The following AATK variants were observed in gnomAD, a reference collection of about 807,000 sequenced individuals.
AATK encodes the protein lemur tail kinase 1.
A neutral mutation model predicts 114.3 loss-of-function variants in AATK; 91 were observed. That is an observed-to-expected ratio of 0.80 (90% confidence interval 0.67 to 0.95). AATK has a LOEUF of 0.95. AATK is among the 40% of genes least tolerant of loss of function. AATK has a pLI of 0.00. For synonymous variants in AATK, 1,075 were observed against 916.5 expected, an observed-to-expected ratio of 1.17 and a Z score of -3.12; for missense variants, 2,176 against 1,965.2, an observed-to-expected ratio of 1.11 and a Z score of -2.03.
chr17:81,127,180 TCCAGGCA>T (rs2060849213), intron 6 of AATK, among the ~76,000 whole-genome samples: 1 of 151,364 alleles, frequency 6.6e-6, no homozygotes, highest in African/African-American at 2.4e-5. Context: ...GGCCCAGAAC[TCCAGGCA>T]GCCTGGGGAA....
chr17:81,151,943 C>T (rs2061304252), intron 1 of AATK, among the ~76,000 whole-genome samples: 1 of 152,164 alleles, frequency 6.6e-6, no homozygotes, highest in African/African-American at 2.4e-5. Flanking sequence ...CGTGAGACTT[C>T]CAACCCCTCA....
chr17:81,139,064 A>C (rs1258339678), intron 1 of AATK, among the ~76,000 whole-genome samples: 2 of 152,160 alleles, frequency 1.3e-5, no homozygotes, highest in Non-Finnish European at 2.9e-5. Flanking sequence ...ACATGCAAAC[A>C]TGCACACACA....
chr17:81,138,862 CACATGTGCACACATACCCAT>C (rs1567818409), intron 1 of AATK, among the ~76,000 whole-genome samples: 1 of 151,902 alleles, frequency 6.6e-6, no homozygotes, highest in Non-Finnish European at 1.5e-5. Flanking sequence ...ATAACACGCA[CACATGTGCACACATACCCAT>C]ACACGCACAC....
At chr17:81,139,831 C>T (rs558098998) in intron 1 of AATK, among the ~76,000 whole-genome samples, 26 of 152,306 alleles carry the variant, frequency 1.7e-4, no homozygotes, top group Non-Finnish European at 2.8e-4. Context: ...GTGGATACAC[C>T]GTGACACCAG....
intron 5 of AATK, 41 bp from the exon 6 acceptor site, chr17:81,127,711 G>A (rs978526692): frequency 1.3e-6 from 2 of 1,546,146 alleles, no homozygotes; most frequent in Non-Finnish European, 1.8e-6. Context: ...GGGAGGAGGT[G>A]GGGAGGGGGA....
chr17:81,137,978 CCA>C (rs1233538142), intron 1 of AATK, among the ~76,000 whole-genome samples: 2 of 145,168 alleles, frequency 1.4e-5, no homozygotes, highest in Admixed American at 6.8e-5. Context: ...ACGCAGACAC[CCA>C]CACGCGTGCA....
chr17:81,143,838 C>T (rs1170855977), intron 1 of AATK, among the ~76,000 whole-genome samples: 11 of 152,254 alleles, frequency 7.2e-5, no homozygotes, highest in Admixed American at 6.5e-4. Context: ...CTCTGCTCAC[C>T]CGTCGGGTGT....
intron 10 of AATK, 87 bp from the exon 11 acceptor site, chr17:81,122,910 C>G: frequency 8.1e-7 from 1 of 1,241,450 alleles, no homozygotes; most frequent in South Asian, 1.7e-5. Flanking sequence ...TCCCCTAACT[C>G]CCAGTGTCTT....
At chr17:81,139,418 C>A (rs1415542999) in intron 1 of AATK, among the ~76,000 whole-genome samples, 1 of 152,194 alleles carries the variant, frequency 6.6e-6, no homozygotes, top group African/African-American at 2.4e-5. Context: ...GAAACCCGTG[C>A]CCAGGAAGAC....
At chr17:81,139,405 C>T (rs1317312635) in intron 1 of AATK, among the ~76,000 whole-genome samples, 3 of 152,218 alleles carry the variant, frequency 2.0e-5, no homozygotes, top group Admixed American at 6.5e-5. Flanking sequence ...GGACCTCAGC[C>T]CAGAAACCCG....
chr17:81,137,897 T>G (rs2061038621), intron 1 of AATK, among the ~76,000 whole-genome samples: 1 of 149,786 alleles, frequency 6.7e-6, no homozygotes, highest in Non-Finnish European at 1.5e-5. Context: ...TATACCCACG[T>G]GCACATACAC....
At chr17:81,143,120 G>A (rs538549093) in intron 1 of AATK, among the ~76,000 whole-genome samples, 1 of 152,306 alleles carries the variant, frequency 6.6e-6, no homozygotes, top group South Asian at 2.1e-4. Flanking sequence ...CGAAGGCCAC[G>A]GGAGAGTTCC....
In AATK at chr17:81,121,321, G is replaced by C; in HGVS notation, c.2615C>G (p.Thr872Ser). ...CTGCAGGCCGTCGCTGGACGTGTCGGTGAAGATGCCTGAGGTGGCCTCGGC... is the reference window on the plus strand; with the variant it reads ...CTGCAGGCCGTCGCTGGACGTGTCGCTGAAGATGCCTGAGGTGGCCTCGGC... ...DTAEATSGIF[T>S]DTSSDGLQAR... Residue 872 changes from threonine to serine, a missense_variant, in exon 11 of 14, where the codon ACC becomes AGC. By Grantham distance (58) the Thr-to-Ser change is moderately conservative. This residue lies in a region of AATK where 1,701 missense variants were observed against 1,394.7 expected (regional missense o/e 1.22). Transcript: ENST00000326724. 6.2e-7 allele frequency: 1 copy of C among 1,611,294 alleles called. No individual in the cohort carries two copies. Among genetic ancestry groups the C allele is most frequent in the South Asian group, 1.1e-5 (1 of 90,992 alleles).
In AATK at chr17:81,127,657, T is replaced by C; in HGVS notation, c.547A>G (p.Ser183Gly). ...TGGGCCAGGCACTGGAGCAGGTTGC[T>C]GTGCTTCAGGGCCCTGCGGGAGTGG... ...EVQPYRALKH[S>G]NLLQCLAQCA... The change falls in exon 6 of 14, where the codon AGC (serine) becomes GGC (glycine). Residue 183 changes from serine (S) to glycine (G), a missense_variant. Physicochemically the swap from Ser to Gly is moderately conservative, Grantham distance 56. Around this residue, in one of 4 missense-constraint regions of AATK, gnomAD observed 273 missense variants for 344.1 expected, o/e 0.79. Transcript: ENST00000326724. 2 of 1,591,112 alleles carry C rather than the reference T, an allele frequency of 1.3e-6. No homozygotes were observed. Among genetic ancestry groups the C allele is most frequent in the Non-Finnish European group, 1.7e-6 (2 of 1,169,416 alleles).
At chr17:81,151,295 A>T (rs59750634) in intron 1 of AATK, among the ~76,000 whole-genome samples, 2 of 131,084 alleles carry the variant, frequency 1.5e-5, no homozygotes, top group African/African-American at 3.0e-5. Flanking sequence ...TGTCTCCCCC[A>T]CCGACCCCTC....
chr17:81,134,795 G>A (rs1187851652), intron 1 of AATK, among the ~76,000 whole-genome samples: 1 of 152,220 alleles, frequency 6.6e-6, no homozygotes, highest in Admixed American at 6.5e-5. Flanking sequence ...CCCCTGAGAG[G>A]TCAGGGTCTC....
In AATK at chr17:81,120,533, C is replaced by T. The variant is rs2060686774; in HGVS notation, c.3403G>A (p.Gly1135Ser). 1 of 1,483,368 alleles carries T rather than the reference C, an allele frequency of 6.7e-7. No individual in the cohort carries two copies. Among genetic ancestry groups the T allele is most frequent in the East Asian group, 2.5e-5 (1 of 40,692 alleles). The allele number at this position is 1,483,368 out of a possible 1,614,324, so 91.9% of individuals were successfully genotyped here. ...AGTGGGGCTCTGGGGGTGCCTGGGC[C>T]CCCCATCCGCTTTTGTGGGGCCGGC... ...SGPAPQKRMGGPGTPRAPLRL... is the reference protein window; with the variant it reads ...SGPAPQKRMGSPGTPRAPLRL... The change falls in exon 11 of 14, where the codon GGC becomes AGC. Residue 1135 changes from glycine to serine, a missense_variant. By Grantham distance (56) the Gly-to-Ser change is moderately conservative (BLOSUM62 0). Coordinates refer to ENST00000326724, the MANE Select transcript of AATK (RefSeq NM_001080395.3).
chr17:81,137,453 G>A (rs1216792690), intron 1 of AATK, among the ~76,000 whole-genome samples: 2 of 151,916 alleles, frequency 1.3e-5, no homozygotes, highest in Admixed American at 6.6e-5. Context: ...AGGCCCACCT[G>A]CTCTCGGCCA....
At chr17:81,119,120 G>A (rs1394524171) in intron 13 of AATK, among the ~76,000 whole-genome samples, 2 of 150,122 alleles carry the variant, frequency 1.3e-5, no homozygotes, top group Non-Finnish European at 3.0e-5. Context: ...GGAGAGCCGA[G>A]TGCAGGGGCC....
Sources: allele counts gnomAD v4.1 joint callset (sites outside exome capture counted in the v4.1 genomes callset), GRCh38; gene constraint gnomAD v4.1.1; regional missense constraint gnomAD v4.1.1; transcripts MANE v1.5; gene names NCBI Gene and HGNC (gene_info 2026-07-23, HGNC 2026-07-21).